Variants in SLC24A4 observed in about 807,000 individuals in gnomAD.
SLC24A4 encodes the protein sodium/potassium/calcium exchanger 4.
Under a neutral mutation model 79.0 loss-of-function variants are expected in SLC24A4, and 53 were observed. That is an observed-to-expected ratio of 0.67 (90% CI 0.54 to 0.84). SLC24A4 has a LOEUF of 0.84. SLC24A4 is among the 40% of genes least tolerant of loss of function. The probability of loss-of-function intolerance (pLI) is 0.00; values close to 1 mark genes in which losing one functional copy is unlikely to be tolerated. For synonymous variants in SLC24A4, 323 were observed against 323.8 expected (o/e 1.00, Z 0.03); for missense variants, 731 against 822.0 (o/e 0.89, Z 1.35).
rs190930085 is a variant in SLC24A4, at chr14:92,394,556, C to T, written c.242-39356C>T. On this transcript the variant is annotated intron_variant, in intron 2 of 16. Transcript: ENST00000532405. ...TAGCCTGGACAACAGAGTGAGACCCCCAACTCAAAAATATATATGTAGACT... is the reference window on the plus strand; with the variant it reads ...TAGCCTGGACAACAGAGTGAGACCCTCAACTCAAAAATATATATGTAGACT... Among the ~76,000 whole-genome samples the T allele has an allele frequency of 1.2e-3, 177 of 152,280 alleles. 1 individual carries two copies. The Middle Eastern group carries it at 0.017, about 15-fold the overall frequency.
chr14:92,463,082 C>A (rs1297133596), intron 12 of SLC24A4, among the ~76,000 whole-genome samples: 1 of 152,148 alleles, frequency 6.6e-6, no homozygotes, highest in Non-Finnish European at 1.5e-5. Context: ...ATCTCACATG[C>A]TGTCTTCAGG....
intron 2 of SLC24A4, among the ~76,000 whole-genome samples, chr14:92,410,915 T>C (rs970191647): frequency 1.3e-5 from 2 of 152,210 alleles, no homozygotes; most frequent in South Asian, 2.1e-4. Flanking sequence ...ATTGATAACA[T>C]AGAAATTCAT....
At chr14:92,337,851 GT>G (rs563689303) in intron 2 of SLC24A4, among the ~76,000 whole-genome samples, 435 of 151,648 alleles carry the variant, frequency 2.9e-3, no homozygotes, top group African/African-American at 9.3e-3. Flanking sequence ...CACTATACAA[GT>G]TTTTTTTTGC....
chr14:92,355,292 G>A (rs541622474), intron 2 of SLC24A4, among the ~76,000 whole-genome samples: 148 of 152,254 alleles, frequency 9.7e-4, no homozygotes, highest in South Asian at 3.5e-3. Context: ...TGGCTGGAGC[G>A]GGGTGGGGGC....
chr14:92,466,146 G>A (rs1405140576), intron 12 of SLC24A4, among the ~76,000 whole-genome samples: 1 of 152,158 alleles, frequency 6.6e-6, no homozygotes, highest in Non-Finnish European at 1.5e-5. Context: ...TGTGAGCTTG[G>A]ACAAGTTACC....
intron 6 of SLC24A4, 77 bp from the exon 7 acceptor site, chr14:92,443,323 G>T (rs531603018): frequency 4.2e-5 from 59 of 1,396,390 alleles, no homozygotes; most frequent in Admixed American, 3.8e-4. Flanking sequence ...TGCACTGCGG[G>T]GGGAGGAGGC....
intron 2 of SLC24A4, among the ~76,000 whole-genome samples, chr14:92,416,127 G>A (rs376367696): frequency 0.13 from 15,993 of 127,786 alleles, 895 homozygotes; most frequent in African/African-American, 0.2. Flanking sequence ...TGTGTGGTGT[G>A]TGTGTGTGTG....
At chr14:92,488,764 G>A (rs893453051) in intron 14 of SLC24A4, among the ~76,000 whole-genome samples, 1 of 152,238 alleles carries the variant, frequency 6.6e-6, no homozygotes, top group African/African-American at 2.4e-5. Flanking sequence ...GTGGGATTCA[G>A]TCATGCCAGC....
chr14:92,372,179 T>C (rs1029521725), intron 2 of SLC24A4, among the ~76,000 whole-genome samples: 2 of 152,196 alleles, frequency 1.3e-5, no homozygotes, highest in African/African-American at 4.8e-5. Flanking sequence ...CAGGGAGGCA[T>C]GAACCAGACT....
chr14:92,370,864 A>G (rs1216272167), intron 2 of SLC24A4, among the ~76,000 whole-genome samples: 1 of 152,190 alleles, frequency 6.6e-6, no homozygotes, highest in African/African-American at 2.4e-5. Context: ...GGTCACATAC[A>G]AAGGATCTAG....
intron 2 of SLC24A4, among the ~76,000 whole-genome samples, chr14:92,405,664 G>GGA (rs1053132397): frequency 1.3e-5 from 2 of 151,858 alleles, no homozygotes; most frequent in African/African-American, 4.8e-5. Flanking sequence ...TGGTAGAGCA[G>GGA]GAGAGAGAGA....
At position 92,353,380 on chromosome 14, in the gene SLC24A4, C is replaced by T. The variant is rs145257375; in HGVS notation, c.241+27402C>T. 5.9e-5 allele frequency among the ~76,000 whole-genome samples: 9 copies of T among 152,270 alleles called. No homozygotes were observed. The highest frequency in any genetic ancestry group is 3.9e-4 in the Admixed American group (6 of 15,300). On this transcript the variant is annotated intron_variant, in intron 2 of 16. Transcript: ENST00000532405. The surrounding 1 kb of genome is among the most constrained non-coding windows in gnomAD (Gnocchi z 4.1). The stretch of plus-strand genomic sequence containing the variant: ...ATATGCATTTAGTTTATTGTTGTAG[C>T]GCAAGAGGGCAAAAAGCATTGTTGC...
chr14:92,376,505 G>A lies in SLC24A4; in HGVS notation c.241+50527G>A, dbSNP rs537816240. Among the ~76,000 whole-genome samples, 9 of 152,362 alleles carry A rather than the reference G, an allele frequency of 5.9e-5. No homozygotes were observed. The South Asian group carries it at 1.0e-3, about 18-fold the overall frequency. On this transcript the variant is annotated intron_variant, in intron 2 of 16. Transcript: ENST00000532405. ...CTGGCTTTTCTTTCCTCTGTGATCC[G>A]TCCATGGTATTTTGCATACAGAAGT...
chr14:92,392,511 A>G (rs1216335722), intron 2 of SLC24A4, among the ~76,000 whole-genome samples: 3 of 151,998 alleles, frequency 2.0e-5, no homozygotes, highest in African/African-American at 7.2e-5. Context: ...TCATCTCTGC[A>G]TCGTGGCGGC....
At chr14:92,483,898 C>G in intron 13 of SLC24A4, 1 of 1,285,158 alleles carries the variant, frequency 7.8e-7, no homozygotes, top group Non-Finnish European at 1.0e-6. Context: ...GACAGCAGGG[C>G]CAGTAAACGT....
At chr14:92,488,260 C>G (rs1033272218) in intron 14 of SLC24A4, among the ~76,000 whole-genome samples, 2 of 151,932 alleles carry the variant, frequency 1.3e-5, no homozygotes, top group African/African-American at 2.4e-5. Flanking sequence ...TTAGTAGAGA[C>G]AAGGTTTCAC....
At chr14:92,391,999 C>G (rs887582667) in intron 2 of SLC24A4, among the ~76,000 whole-genome samples, 3 of 152,312 alleles carry the variant, frequency 2.0e-5, no homozygotes, top group African/African-American at 4.8e-5. Flanking sequence ...CTCCTCCCCC[C>G]ACCACTTCCC....
At chr14:92,487,715 A>G (rs977817824) in intron 14 of SLC24A4, among the ~76,000 whole-genome samples, 2 of 152,208 alleles carry the variant, frequency 1.3e-5, no homozygotes, top group African/African-American at 4.8e-5. Context: ...GAGTCATAAC[A>G]AAGTGCCACA....
At chr14:92,384,020 C>T (rs1243335751) in intron 2 of SLC24A4, among the ~76,000 whole-genome samples, 5 of 152,212 alleles carry the variant, frequency 3.3e-5, no homozygotes, top group African/African-American at 9.6e-5. Context: ...TCCAGCTTGA[C>T]TCAAATGAGA....
Sources: gnomAD v4.1 joint callset for allele counts (sites outside exome capture counted in the v4.1 genomes callset) on GRCh38, gnomAD v4.1.1 for gene constraint, Gnocchi (gnomAD v3.1) non-coding constraint, MANE v1.5 for transcripts, NCBI Gene and HGNC (gene_info 2026-07-23, HGNC 2026-07-21) for gene names.